The following EGFR variants were observed in gnomAD, a reference collection of about 807,000 sequenced individuals.
EGFR encodes epidermal growth factor receptor.
EGFR carries 58 observed loss-of-function variants against 143.0 expected under a neutral mutation model. The ratio of observed to expected loss-of-function variants is 0.41; its 90% CI spans 0.33 to 0.50. EGFR has a LOEUF of 0.50. Among genes scored for constraint, EGFR ranks in the 20% least tolerant of loss-of-function variants. The pLI, the probability that EGFR is intolerant of heterozygous loss-of-function variation, is 0.39. For missense variants in EGFR, 1,307 were observed against 1,579.0 expected, an observed-to-expected ratio of 0.83 and a Z score of 2.92; for synonymous variants, 613 against 594.4, an observed-to-expected ratio of 1.03 and a Z score of -0.45.
chr7:55,077,694 G>A (rs925984559), intron 1 of EGFR, among the ~76,000 whole-genome samples: 1 of 152,134 alleles, frequency 6.6e-6, no homozygotes, highest in African/African-American at 2.4e-5. Flanking sequence ...GGAAACAGGC[G>A]GTGCAAGAAC....
chr7:55,050,134 C>T (rs1005383333), intron 1 of EGFR, among the ~76,000 whole-genome samples: 2 of 152,150 alleles, frequency 1.3e-5, no homozygotes, highest in African/African-American at 2.4e-5. Context: ...AAGTGGAGTT[C>T]AGTGGCATTA....
chr7:55,056,334 A>C (rs1465839448), intron 1 of EGFR, among the ~76,000 whole-genome samples: 2 of 152,264 alleles, frequency 1.3e-5, no homozygotes, highest in Non-Finnish European at 2.9e-5. Context: ...TACTATTTAT[A>C]GAATTTACAG....
rs543922323 is a variant in EGFR, at chr7:55,206,245, G to A, written c.*628G>A. ...GTCCCTTCCTGGGCAAAGAAGAAAC[G>A]GAGGGGATGGAATTCTTCCTTAGAC... On this transcript the variant is annotated 3_prime_UTR_variant, in exon 28 of 28. Transcript: ENST00000275493. 225 of 236,752 alleles carry A rather than the reference G, an allele frequency of 9.5e-4. No individual in the cohort carries two copies. Among genetic ancestry groups the A allele is most frequent in the African/African-American group, 4.3e-3 (196 of 45,480 alleles). The allele number at this position is 236,752 out of a possible 1,614,324, so 14.7% of individuals were successfully genotyped here. A position where few individuals can be genotyped will look rare whatever the true frequency, so the allele number is the denominator to read the frequency against.
chr7:55,124,655 C>T (rs948020538), intron 1 of EGFR, among the ~76,000 whole-genome samples: 5 of 152,122 alleles, frequency 3.3e-5, no homozygotes, highest in South Asian at 2.1e-4. Flanking sequence ...AGTCAGGATC[C>T]GTTCCCTTCT....
rs535794579 is a variant in EGFR, at chr7:55,156,432, C to T, written c.1007-101C>T. 85 of 1,540,402 alleles carry T rather than the reference C, an allele frequency of 5.5e-5. No homozygotes were observed. The African/African-American group carries it at 1.1e-3, about 19-fold the overall frequency. On this transcript the variant is annotated intron_variant, in intron 8 of 27. Transcript: ENST00000275493. The stretch of plus-strand genomic sequence containing the variant: ...AAGGATGATGTGGCAGTGGCGGTTC[C>T]GGTGACCGGAATTCCTTCCTGCTTC...
At chr7:55,103,879 G>A (rs147385069) in intron 1 of EGFR, among the ~76,000 whole-genome samples, 1 of 152,300 alleles carries the variant, frequency 6.6e-6, no homozygotes, top group African/African-American at 2.4e-5. Context: ...CTGCATAGAA[G>A]GCTCACATCT....
chr7:55,126,623 T>C (rs1409868800), intron 1 of EGFR, among the ~76,000 whole-genome samples: 4 of 152,124 alleles, frequency 2.6e-5, no homozygotes, highest in African/African-American at 4.8e-5. Flanking sequence ...GGGAGAGAAA[T>C]GCTCCTGCAC....
chr7:55,028,660 C>A (rs1007579962), intron 1 of EGFR, among the ~76,000 whole-genome samples: 1 of 152,148 alleles, frequency 6.6e-6, no homozygotes, highest in African/African-American at 2.4e-5. Flanking sequence ...TTGTGCCGAA[C>A]AAGATAAACT....
intron 1 of EGFR, among the ~76,000 whole-genome samples, chr7:55,117,015 C>G (rs150076965): frequency 6.6e-6 from 1 of 152,140 alleles, no homozygotes; most frequent in African/African-American, 2.4e-5. Context: ...CTCAGAGTGG[C>G]GTTGCTGGGT....
rs747326696 is a variant in EGFR, at chr7:55,156,847, A to C, written c.1207+15A>C. Reference sequence around the variant, plus strand: ...GGAAATCACAGGTTTGAGCTGAATTATCACATGAATATAAATGGGAAATCA... The same window carrying C: ...GGAAATCACAGGTTTGAGCTGAATTCTCACATGAATATAAATGGGAAATCA... On this transcript the variant is annotated intron_variant, in intron 10 of 27. Transcript: ENST00000275493. 8.1e-6 allele frequency: 13 copies of C among 1,614,140 alleles called. No homozygotes were observed. Among genetic ancestry groups the C allele is most frequent in the Non-Finnish European group, 1.1e-5 (13 of 1,180,046 alleles).
chr7:55,117,469 G>C (rs1792932656), intron 1 of EGFR, among the ~76,000 whole-genome samples: 3 of 152,242 alleles, frequency 2.0e-5, no homozygotes, highest in African/African-American at 4.8e-5. Flanking sequence ...GCTTGTCAAA[G>C]AGGAACGGCT....
intron 3 of EGFR, among the ~76,000 whole-genome samples, chr7:55,144,045 G>T (rs1219812100): frequency 6.6e-6 from 1 of 152,206 alleles, no homozygotes; most frequent in Non-Finnish European, 1.5e-5. Flanking sequence ...AAGGGAAATT[G>T]ATTTTAAAAA....
At chr7:55,099,889 G>T (rs1791701897) in intron 1 of EGFR, among the ~76,000 whole-genome samples, 1 of 152,102 alleles carries the variant, frequency 6.6e-6, no homozygotes, top group Non-Finnish European at 1.5e-5. Context: ...TAATGGAAAA[G>T]GATAGGCTAA....
At chr7:55,042,281 T>G (rs573841445) in intron 1 of EGFR, among the ~76,000 whole-genome samples, 1 of 152,296 alleles carries the variant, frequency 6.6e-6, no homozygotes, top group South Asian at 2.1e-4. Context: ...GCTCCACACA[T>G]GTCTTGTAAA....
Position 55,174,831 on chromosome 7 carries a change from G to C in EGFR, c.2283+11G>C, listed in dbSNP as rs375086072. 6.2e-7 allele frequency: 1 copy of C among 1,611,582 alleles called. No homozygotes were observed. The highest frequency in any genetic ancestry group is 8.5e-7 in the Non-Finnish European group (1 of 1,177,744). ...AAGGAAATCCTCGATGTGAGTTTCT[G>C]CTTTGCTGTGTGGGGGTCCATGGCT... On this transcript the variant is annotated intron_variant, in intron 19 of 27. Coordinates refer to ENST00000275493, the MANE Select transcript of EGFR (RefSeq NM_005228.5).
intron 19 of EGFR, among the ~76,000 whole-genome samples, chr7:55,177,526 C>T (rs1421154489): frequency 6.6e-6 from 1 of 152,194 alleles, no homozygotes; most frequent in South Asian, 2.1e-4. Flanking sequence ...GAGTAAAGTT[C>T]TTAAAATGCA....
chr7:55,109,846 C>T lies in EGFR; in HGVS notation c.89-32440C>T, dbSNP rs563577919. 7.1e-6 allele frequency: 7 copies of T among 985,478 alleles called. No individual in the cohort carries two copies. The African/African-American group carries it at 1.0e-4, about 15-fold the overall frequency. The allele number at this position is 985,478 out of a possible 1,614,324, so 61.0% of individuals were successfully genotyped here. On this transcript the variant is annotated intron_variant, in intron 1 of 27. Transcript: ENST00000275493. ...TTGAATGAGCTCTAAAACAGTTCTC[C>T]ACTGGACTTCAGAACAAGAGGGAGC...
chr7:55,192,626 C>T (rs993837922), intron 21 of EGFR, 140 bp from the exon 22 acceptor site: 5 of 760,718 alleles, frequency 6.6e-6, no homozygotes, highest in South Asian at 1.5e-5. Flanking sequence ...CGGGAGGAGG[C>T]GCCGGGCCTG....
intron 1 of EGFR, among the ~76,000 whole-genome samples, chr7:55,104,090 G>A (rs1048357958): frequency 2.0e-5 from 3 of 152,214 alleles, no homozygotes; most frequent in African/African-American, 7.2e-5. Flanking sequence ...TTGTCTAGAA[G>A]CAGTGTTGGG....
Sources: allele counts gnomAD v4.1 joint callset (sites outside exome capture counted in the v4.1 genomes callset), GRCh38; gene constraint gnomAD v4.1.1; transcripts MANE v1.5; gene names NCBI Gene and HGNC (gene_info 2026-07-23, HGNC 2026-07-21).